Variants in DPH6 observed in about 807,000 individuals in gnomAD.
DPH6 encodes diphthamine biosynthesis 6.
Under a neutral mutation model 38.2 loss-of-function variants are expected in DPH6, and 33 were observed. That is an observed-to-expected ratio of 0.86 (90% confidence interval 0.65 to 1.15). DPH6 has a LOEUF of 1.15. Ranked by LOEUF, DPH6 falls within the 50% of genes most tolerant of loss-of-function variation. The pLI is 0.00. For missense variants in DPH6, 325 were observed against 320.0 expected (o/e 1.02, Z -0.12); for synonymous variants, 108 against 103.0 (o/e 1.05, Z -0.30).
chr15:35,229,978 T>C (rs759018854), intron 3 of DPH6, among the ~76,000 whole-genome samples: 3 of 152,204 alleles, frequency 2.0e-5, no homozygotes, highest in Non-Finnish European at 4.4e-5. Context: ...GGGACTGTAC[T>C]GGGTCAGACC....
intron 3 of DPH6, among the ~76,000 whole-genome samples, chr15:35,499,543 C>T (rs1403927345): frequency 6.6e-6 from 1 of 152,048 alleles, no homozygotes; most frequent in Non-Finnish European, 1.5e-5. Flanking sequence ...GGAATTTTTC[C>T]ACTGTGTTTT....
At chr15:35,539,907 A>G (rs902207098) in intron 2 of DPH6, among the ~76,000 whole-genome samples, 1 of 152,064 alleles carries the variant, frequency 6.6e-6, no homozygotes. Context: ...TCACATTGTT[A>G]CTATAAATGT....
chr15:35,244,788 C>A (rs2051624566), intron 3 of DPH6, among the ~76,000 whole-genome samples: 1 of 152,064 alleles, frequency 6.6e-6, no homozygotes, highest in South Asian at 2.1e-4. Context: ...TTAATAATAC[C>A]AGGGCTGAAC....
At chr15:35,287,816 GTAT>G (rs2051953824) in intron 3 of DPH6, among the ~76,000 whole-genome samples, 1 of 152,098 alleles carries the variant, frequency 6.6e-6, no homozygotes, top group African/African-American at 2.4e-5. Flanking sequence ...TGTTTGAAAT[GTAT>G]AAAGACAAAT....
At chr15:35,289,534 A>T (rs554171576) in intron 3 of DPH6, among the ~76,000 whole-genome samples, 1 of 152,352 alleles carries the variant, frequency 6.6e-6, no homozygotes, top group Non-Finnish European at 1.5e-5. Flanking sequence ...ATAAATAAAA[A>T]AGGATGAAAA....
At chr15:35,275,523 G>A (rs1181881837) in intron 3 of DPH6, among the ~76,000 whole-genome samples, 7 of 152,100 alleles carry the variant, frequency 4.6e-5, no homozygotes, top group Admixed American at 4.6e-4. Context: ...GACACAGGGA[G>A]GAGAATATCA....
At chr15:35,237,849 A>T in intron 3 of DPH6, 1 of 1,534,970 alleles carries the variant, frequency 6.5e-7, no homozygotes, top group Non-Finnish European at 9.0e-7. Context: ...GAGGATGAGG[A>T]TGAGGAGGAG....
intron 3 of DPH6, among the ~76,000 whole-genome samples, chr15:35,528,724 G>A (rs150348291): frequency 2.0e-5 from 3 of 152,218 alleles, no homozygotes; most frequent in East Asian, 1.9e-4. Context: ...CCTAGCATAC[G>A]CATATGTGCC....
At chr15:35,369,621 GAA>G (rs4041272), downstream of DPH6, among the ~76,000 whole-genome samples, 7 of 130,320 alleles carry the variant, frequency 5.4e-5, no homozygotes, top group Admixed American at 7.7e-5. Flanking sequence ...CCTGTTATAT[GAA>G]AAAAAAAAAA....
At chr15:35,299,056 C>T in intron 3 of DPH6, 1 of 718,882 alleles carries the variant, frequency 1.4e-6, no homozygotes, top group Non-Finnish European at 2.4e-6. Context: ...TCTCTTTCTT[C>T]TATTTCTTCT....
chr15:35,422,348 T>C (rs2053516517), intron 5 of DPH6, among the ~76,000 whole-genome samples: 1 of 151,920 alleles, frequency 6.6e-6, no homozygotes. Flanking sequence ...GAATACCAGA[T>C]TCTAATGAAC....
chr15:35,487,260 A>G (rs2054416327), intron 3 of DPH6, among the ~76,000 whole-genome samples: 1 of 152,216 alleles, frequency 6.6e-6, no homozygotes, highest in Admixed American at 6.5e-5. Context: ...GCAGTGCCCC[A>G]GTGGGAACTC....
chr15:35,454,943 A>T, intron 3 of DPH6, 123 bp from the exon 4 acceptor site: 1 of 622,520 alleles, frequency 1.6e-6, no homozygotes, highest in Non-Finnish European at 2.7e-6. Flanking sequence ...AGAGTAATTT[A>T]CTGAAAATAT....
At chr15:35,315,459 C>T (rs560149687) in intron 3 of DPH6, among the ~76,000 whole-genome samples, 64 of 152,296 alleles carry the variant, frequency 4.2e-4, no homozygotes, top group Admixed American at 1.4e-3. Context: ...AATTCATAGT[C>T]CGCAACTGCA....
At chr15:35,327,519 G>A (rs917882846), downstream of DPH6, among the ~76,000 whole-genome samples, 3 of 151,878 alleles carry the variant, frequency 2.0e-5, no homozygotes, top group South Asian at 2.1e-4. Context: ...CTAATTTTTT[G>A]TATTTTTAGT....
the DPH6 span, among the ~76,000 whole-genome samples, chr15:35,149,019 G>A: frequency 2.6e-5 from 4 of 151,940 alleles, no homozygotes; most frequent in Admixed American, 1.3e-4. Context: ...GCCCCCTCCT[G>A]AATCCTGCTC....
chr15:35,485,793 C>T (rs1057485540), intron 3 of DPH6, among the ~76,000 whole-genome samples: 2 of 152,130 alleles, frequency 1.3e-5, no homozygotes, highest in Admixed American at 6.5e-5. Context: ...CCATTGTATG[C>T]GATATTTGGA....
the DPH6 span, among the ~76,000 whole-genome samples, chr15:35,154,517 C>T: frequency 6.6e-6 from 1 of 151,938 alleles, no homozygotes; most frequent in Non-Finnish European, 1.5e-5. Flanking sequence ...TTATTGTTCC[C>T]ATTACTTTTG....
At chr15:35,147,330 T>C in the DPH6 span, among the ~76,000 whole-genome samples, 1 of 152,206 alleles carries the variant, frequency 6.6e-6, no homozygotes, top group Non-Finnish European at 1.5e-5. Context: ...TATCATACTT[T>C]ATTATCAGTA....
Sources: allele counts gnomAD v4.1 joint callset (sites outside exome capture counted in the v4.1 genomes callset), GRCh38; gene constraint gnomAD v4.1.1; transcripts MANE v1.5; gene names NCBI Gene and HGNC (gene_info 2026-07-23, HGNC 2026-07-21).